The following SPINDOC variants were observed in gnomAD, a reference collection of about 807,000 sequenced individuals.
The protein encoded by SPINDOC is spindlin interactor and repressor of chromatin-binding protein.
A neutral mutation model predicts 30.7 loss-of-function variants in SPINDOC; 13 were observed. The observed-to-expected ratio is 0.42, with a 90% confidence interval of 0.28 to 0.67. The LOEUF (loss-of-function observed/expected upper bound fraction) is 0.67, where lower values mean the gene tolerates loss of function less well. Ranked by LOEUF, SPINDOC falls within the 30% of genes least tolerant of loss-of-function variation. SPINDOC has a pLI of 0.22. For synonymous variants in SPINDOC, 228 were observed against 211.4 expected (o/e 1.08, Z -0.68); for missense variants, 438 against 518.0 (o/e 0.85, Z 1.50).
At chr11:63,822,942 G>A in intron 5 of SPINDOC, 1 of 1,228,350 alleles carries the variant, frequency 8.1e-7, no homozygotes, top group Non-Finnish European at 1.1e-6. Context: ...GGCTGCTTGA[G>A]TGATCTGAGG....
intron 5 of SPINDOC, among the ~76,000 whole-genome samples, chr11:63,820,640 C>G (rs1207649207): frequency 6.6e-6 from 1 of 151,704 alleles, no homozygotes; most frequent in Non-Finnish European, 1.5e-5. Flanking sequence ...GCCTGTAATC[C>G]CAGCACTTTG....
chr11:63,818,775 A>G lies in SPINDOC; in HGVS notation c.734-27A>G, dbSNP rs544816090. On this transcript the variant is annotated intron_variant, in intron 4 of 5. Coordinates refer to ENST00000294244, the MANE Select transcript of SPINDOC (RefSeq NM_138471.3). The surrounding 1 kb of genome is among the most constrained non-coding windows in gnomAD (Gnocchi z 5.3). ...TGCAGCTCCTGAGGCTTTTTCACTC[A>G]CAGTTCCATCCCGTCCTCCCTTCCA... 1.2e-6 allele frequency: 2 copies of G among 1,613,114 alleles called. No homozygotes were observed. The highest frequency in any genetic ancestry group is 1.7e-6 in the Non-Finnish European group (2 of 1,179,902).
Position 63,827,226 on chromosome 11 carries a change from G to T in SPINDOC, c.*87G>T, listed in dbSNP as rs1040384843. ...CAGAGCTGCCTGGCTCACCCACCTGGTGGAGAGAGTAGAAACAGGTGCCAG... is the reference window on the plus strand; with the variant it reads ...CAGAGCTGCCTGGCTCACCCACCTGTTGGAGAGAGTAGAAACAGGTGCCAG... On this transcript the variant is annotated 3_prime_UTR_variant, in exon 6 of 6. Coordinates refer to ENST00000294244, the MANE Select transcript of SPINDOC (RefSeq NM_138471.3). 5.2e-6 allele frequency: 8 copies of T among 1,542,578 alleles called. No individual in the cohort carries two copies. The Admixed American group carries it at 1.6e-4, about 30-fold the overall frequency.
Position 63,827,109 on chromosome 11 carries a change from A to G in SPINDOC, c.1116A>G (p.Ala372=). The part of the protein sequence containing the change: ...TVLSESSTTV[A]GKPEKGNGV ...TGTCAGAATCCAGCACCACTGTGGC[A>G]GGGAAGCCGGAAAAAGGGAATGGAG... The change falls in exon 6 of 6, where the codon GCA becomes GCG. Residue 372 remains alanine (A), a synonymous_variant. Transcript: ENST00000294244. 6 of 1,390,426 alleles carry G rather than the reference A, an allele frequency of 4.3e-6. No individual in the cohort carries two copies. Among genetic ancestry groups the G allele is most frequent in the Non-Finnish European group, 5.8e-6 (6 of 1,037,164 alleles). 86.1% of individuals were successfully genotyped at this position (1,390,426 alleles called of 1,614,324 possible).
intron 5 of SPINDOC, chr11:63,823,400 A>T (rs2015580809): frequency 8.9e-7 from 1 of 1,123,408 alleles, no homozygotes; most frequent in African/African-American, 1.6e-5. Context: ...TGGATTTAAC[A>T]GTTGGAAAAG....
At position 63,816,678 on chromosome 11, in the gene SPINDOC, TC is replaced by T. The variant is rs140290949; in HGVS notation, c.128-1126del. Among the ~76,000 whole-genome samples, 917 of 152,264 alleles carry T rather than the reference TC, an allele frequency of 6.0e-3. 6 individuals are homozygous for T. The highest frequency in any genetic ancestry group is 0.02 in the African/African-American group (846 of 41,546). Reference sequence around the variant, plus strand: ...GCAGCCGTGAAGGATCATGGGCACTTCGTAAAAGCACTGAGCTTCCAGGCTG... The same window carrying T: ...GCAGCCGTGAAGGATCATGGGCACTTGTAAAAGCACTGAGCTTCCAGGCTG... On this transcript the variant is annotated intron_variant, in intron 1 of 5. Transcript: ENST00000294244.
chr11:63,822,307 A>G (rs977880662), intron 5 of SPINDOC, among the ~76,000 whole-genome samples: 1 of 149,962 alleles, frequency 6.7e-6, no homozygotes, highest in African/African-American at 2.5e-5. Flanking sequence ...TTGTACTCCA[A>G]TCAGATTGTA....
At chr11:63,819,695 C>A (rs565088071) in intron 5 of SPINDOC, among the ~76,000 whole-genome samples, 3 of 152,202 alleles carry the variant, frequency 2.0e-5, no homozygotes, top group African/African-American at 7.2e-5. Context: ...CAGGGTTTCG[C>A]CATGTTGGCC....
rs763578389 is a variant in SPINDOC at position 63,827,132 on chromosome 11, G to C, written c.1139G>C (p.Gly380Ala). The change falls in exon 6 of 6, where the codon GGA (glycine) becomes GCA (alanine). Residue 380 changes from glycine (G) to alanine (A), a missense_variant. This residue lies in a region of SPINDOC where 300 missense variants were observed against 332.8 expected (regional missense o/e 0.90). Transcript: ENST00000294244. ...TVAGKPEKGNGV is the reference protein window; with the variant it reads ...TVAGKPEKGNAV Reference sequence around the variant, plus strand: ...GCAGGGAAGCCGGAAAAAGGGAATGGAGTGTAAATTCTTGCTTTCCTGGGG... The same window carrying C: ...GCAGGGAAGCCGGAAAAAGGGAATGCAGTGTAAATTCTTGCTTTCCTGGGG... 4 of 1,456,650 alleles carry C rather than the reference G, an allele frequency of 2.7e-6. No individual in the cohort carries two copies. The allele number at this position is 1,456,650 out of a possible 1,614,324, so 90.2% of individuals were successfully genotyped here.
chr11:63,819,998 A>G (rs1169566896), intron 5 of SPINDOC, among the ~76,000 whole-genome samples: 1 of 152,190 alleles, frequency 6.6e-6, no homozygotes, highest in Non-Finnish European at 1.5e-5. Context: ...CAGAGAATAG[A>G]TAAGATGAGC....
chr11:63,813,883 CG>C, intron 1 of SPINDOC, 70 bp downstream of exon 1: 1 of 1,411,256 alleles, frequency 7.1e-7, no homozygotes. Flanking sequence ...CCTCCCCAGT[CG>C]GGGTCCGGGA....
Position 63,818,003 on chromosome 11 carries a change from A to G in SPINDOC, c.326A>G (p.His109Arg). The G allele has an allele frequency of 6.2e-7, 1 of 1,614,188 alleles. No homozygotes were observed. The highest frequency in any genetic ancestry group is 2.2e-5 in the East Asian group (1 of 44,876). The change falls in exon 2 of 6, where the codon CAC (histidine) becomes CGC (arginine). Residue 109 changes from histidine to arginine, a missense_variant. Coordinates refer to ENST00000294244, the MANE Select transcript of SPINDOC (RefSeq NM_138471.3). This position sits in a 1 kb window ranked among gnomAD's most constrained non-coding sequence, Gnocchi z 5.3. ...CCCTCGGCCGACACAGCTCGCTCGC[A>G]CATCTTGGAGCAGCACCCTCACACC... ...RAPSADTARSHILEQHPHTLD... is the reference protein window; with the variant it reads ...RAPSADTARSRILEQHPHTLD...
Position 63,826,955 on chromosome 11 carries a change from T to G in SPINDOC, c.962T>G (p.Leu321Arg). The change falls in exon 6 of 6, where the codon CTG becomes CGG. Residue 321 changes from leucine to arginine, a missense_variant. By Grantham distance (102) the Leu-to-Arg change is moderately radical. Transcript: ENST00000294244. ...CCCCCTCCGGGGCTCCGCGGGACAC[T>G]GGATCTCCAGGTTATCCGCGTGCGG... is the stretch of plus-strand genomic sequence containing the variant. ...PAPPPGLRGT[L>R]DLQVIRVRME... The G allele has an allele frequency of 1.9e-6, 3 of 1,595,726 alleles. No homozygotes were observed. Among genetic ancestry groups the G allele is most frequent in the Non-Finnish European group, 1.7e-6 (2 of 1,163,698 alleles).
chr11:63,815,471 G>T (rs1241276860), intron 1 of SPINDOC, among the ~76,000 whole-genome samples: 3 of 152,200 alleles, frequency 2.0e-5, no homozygotes, highest in African/African-American at 7.2e-5. Flanking sequence ...CGTTTGAGAT[G>T]CCTATTTATG....
intron 5 of SPINDOC, among the ~76,000 whole-genome samples, chr11:63,819,873 C>A (rs1404771713): frequency 6.6e-6 from 1 of 152,182 alleles, no homozygotes; most frequent in African/African-American, 2.4e-5. Flanking sequence ...TTCCCAGAAG[C>A]CTGATACTGA....
chr11:63,820,398 C>CAAAAAAAAA (rs201624522), intron 5 of SPINDOC, among the ~76,000 whole-genome samples: 1 of 53,862 alleles, frequency 1.9e-5, no homozygotes, highest in Non-Finnish European at 4.0e-5. Flanking sequence ...ACTCTGTCTC[C>CAAAAAAAAA]AAAAAAAAAA....
rs767745888 is a variant in SPINDOC at position 63,818,932 on chromosome 11, C to A, written c.864C>A (p.Asp288Glu). The A allele has an allele frequency of 1.9e-6, 3 of 1,614,220 alleles. No individual in the cohort carries two copies. Among genetic ancestry groups the A allele is most frequent in the Non-Finnish European group, 2.5e-6 (3 of 1,180,048 alleles). ...CCCACACCCAGCTCAGGGGCCCAGACAGCAAGGACTCACCCAAAGACAGGG... is the reference window on the plus strand; with the variant it reads ...CCCACACCCAGCTCAGGGGCCCAGAAAGCAAGGACTCACCCAAAGACAGGG... ...LFSHTQLRGP[D>E]SKDSPKDREV... The change falls in exon 5 of 6, where the codon GAC becomes GAA. Residue 288 changes from aspartate (D) to glutamate (E), a missense_variant. Asp to Glu is a conservative substitution (Grantham distance 45). Coordinates refer to ENST00000294244, the MANE Select transcript of SPINDOC (RefSeq NM_138471.3). The surrounding 1 kb of genome is among the most constrained non-coding windows in gnomAD (Gnocchi z 5.3).
chr11:63,817,441 G>A (rs1392779069), intron 1 of SPINDOC, among the ~76,000 whole-genome samples: 1 of 152,158 alleles, frequency 6.6e-6, no homozygotes, highest in Non-Finnish European at 1.5e-5. Flanking sequence ...TATTGTCAGG[G>A]ATTGGGGTTC....
chr11:63,826,784 G>A, intron 5 of SPINDOC, 144 bp from the exon 6 acceptor site: 1 of 616,468 alleles, frequency 1.6e-6, no homozygotes, highest in Non-Finnish European at 2.9e-6. Flanking sequence ...GCCATCCTTG[G>A]GCTTCCCCTC....
Sources: gnomAD v4.1 joint callset for allele counts (sites outside exome capture counted in the v4.1 genomes callset) on GRCh38, gnomAD v4.1.1 for gene constraint, gnomAD v4.1.1 regional missense constraint, Gnocchi (gnomAD v3.1) non-coding constraint, MANE v1.5 for transcripts, NCBI Gene and HGNC (gene_info 2026-07-23, HGNC 2026-07-21) for gene names.